The following ITGA7 variants were observed in gnomAD, a reference collection of about 807,000 sequenced individuals.
ITGA7 encodes the protein integrin subunit alpha 7, also known as integrin alpha-7.
In ITGA7, 84 loss-of-function variants were observed where a neutral mutation model predicts 131.6. The ratio of observed to expected loss-of-function variants is 0.64; its 90% CI spans 0.54 to 0.77. The LOEUF is 0.77. Among genes scored for constraint, ITGA7 ranks in the 30% least tolerant of loss-of-function variants. The pLI is 0.00. For missense variants in ITGA7, 1,399 were observed against 1,482.9 expected (o/e 0.94, Z 0.93); for synonymous variants, 548 against 600.7 (o/e 0.91, Z 1.28).
Position 55,699,925 on chromosome 12 carries a change from G to T in ITGA7, c.735C>A (p.Asp245Glu). 1 of 1,613,984 alleles carries T rather than the reference G, an allele frequency of 6.2e-7. No individual in the cohort carries two copies. Among genetic ancestry groups the T allele is most frequent in the South Asian group, 1.1e-5 (1 of 91,004 alleles). ...DPDQLVYKTL[D>E]PADRLPGPAG... Reference sequence around the variant, plus strand: ...CTGGTCCTGGGAGCCGGTCAGCAGGGTCCAAAGTTTTATACACCAGCTGGT... The same window carrying T: ...CTGGTCCTGGGAGCCGGTCAGCAGGTTCCAAAGTTTTATACACCAGCTGGT... The change falls in exon 5 of 25, where the codon GAC (aspartate) becomes GAA (glutamate). Residue 245 changes from aspartate to glutamate, a missense_variant. Asp to Glu is a conservative substitution (Grantham distance 45). Transcript: ENST00000257879.
chr12:55,698,223 C>T (rs1873090916), intron 7 of ITGA7, 160 bp downstream of exon 7: 2 of 873,030 alleles, frequency 2.3e-6, no homozygotes, highest in South Asian at 1.7e-5. Flanking sequence ...AGGTTAGGAA[C>T]TTGCCAAGGT....
chr12:55,715,870 A>G (rs915168995), upstream of ITGA7: 8 of 734,272 alleles, frequency 1.1e-5, no homozygotes, highest in Non-Finnish European at 1.4e-5. Context: ...AAATGTTAAA[A>G]ACTGGCTTGG....
At position 55,684,976 on chromosome 12, in the gene ITGA7, C is replaced by T; in HGVS notation, c.*82G>A. On this transcript the variant is annotated 3_prime_UTR_variant, in exon 25 of 25. Coordinates refer to ENST00000257879, the MANE Select transcript of ITGA7 (RefSeq NM_002206.3). ...CAAATCTTGATGCGACACCAGCAGC[C>T]CACTCTACCCTCTTCATCCCAAGGA... 1 of 1,181,046 alleles carries T rather than the reference C, an allele frequency of 8.5e-7. No homozygotes were observed. Among genetic ancestry groups the T allele is most frequent in the Non-Finnish European group, 1.2e-6 (1 of 853,982 alleles). The allele number at this position is 1,181,046 out of a possible 1,614,324, so 73.2% of individuals were successfully genotyped here. A position where few individuals can be genotyped will look rare whatever the true frequency, so the allele number is the denominator to read the frequency against.
chr12:55,688,748 C>A, intron 22 of ITGA7, 96 bp downstream of exon 22: 1 of 888,000 alleles, frequency 1.1e-6, no homozygotes. Flanking sequence ...GGGGGGGATG[C>A]TGCATTTGGA....
chr12:55,705,312 A>T (rs1256329425), intron 1 of ITGA7, among the ~76,000 whole-genome samples: 1 of 150,432 alleles, frequency 6.6e-6, no homozygotes, highest in African/African-American at 2.5e-5. Context: ...TTCATGCCAT[A>T]CGCCCTAACC....
At chr12:55,700,744 G>A (rs1297849852) in intron 4 of ITGA7, 155 bp downstream of exon 4, 1 of 952,750 alleles carries the variant, frequency 1.0e-6, no homozygotes, top group Non-Finnish European at 1.6e-6. Context: ...CCATTCATGT[G>A]TGCACTAGCT....
chr12:55,694,348 G>T lies in ITGA7; in HGVS notation c.2358-18C>A, dbSNP rs1487912364. 1.2e-6 allele frequency: 2 copies of T among 1,613,606 alleles called. No individual in the cohort carries two copies. On this transcript the variant is annotated intron_variant, in intron 17 of 24. Transcript: ENST00000257879. The surrounding 1 kb of genome is among the most constrained non-coding windows in gnomAD (Gnocchi z 5.3). ...CACTGATCCTGGTGAGTGGGCAGGG[G>T]CAAGTATGGGCATCAGGCACAGGCA...
intron 21 of ITGA7, 43 bp downstream of exon 21, chr12:55,692,801 G>A: frequency 4.5e-6 from 7 of 1,569,690 alleles, no homozygotes; most frequent in Non-Finnish European, 6.0e-6. Flanking sequence ...TGGACACGCA[G>A]CACCCCGGAG....
At position 55,688,100 on chromosome 12, in the gene ITGA7, G is replaced by A; in HGVS notation, c.3058-4C>T. 1.2e-6 allele frequency: 2 copies of A among 1,614,136 alleles called. No homozygotes were observed. Among genetic ancestry groups the A allele is most frequent in the South Asian group, 2.2e-5 (2 of 91,068 alleles). On this transcript the variant is annotated splice_polypyrimidine_tract_variant and splice_region_variant and intron_variant, in intron 23 of 24. Coordinates refer to ENST00000257879, the MANE Select transcript of ITGA7 (RefSeq NM_002206.3). ...CCAAGTATACCATCACTGGGATCTG[G>A]GGAGCAAGGGGTCAATGGAGCAAGA...
intron 24 of ITGA7, chr12:55,686,421 G>T: frequency 1.7e-6 from 1 of 605,114 alleles, no homozygotes; most frequent in Non-Finnish European, 2.6e-6. Context: ...GGAGCAGGGA[G>T]CAAGCATCCT....
At chr12:55,699,572 C>T in intron 5 of ITGA7, 1 of 466,556 alleles carries the variant, frequency 2.1e-6, no homozygotes, top group East Asian at 4.2e-5. Context: ...GAAAGTCCCC[C>T]TAGAAGACAG....
In ITGA7 at chr12:55,688,736, A is replaced by G. The variant is rs11306628; in HGVS notation, c.2958+108T>C. 0.13 allele frequency: 82,483 copies of G among 659,082 alleles called. 4,571 individuals are homozygous for G. Among genetic ancestry groups the G allele is most frequent in the Admixed American group, 0.17 (6,276 of 36,244 alleles). The allele number at this position is 659,082 out of a possible 1,614,324, so 40.8% of individuals were successfully genotyped here. ...AGACTCCGTCTCAAAAAAAAAAAAA[A>G]GGGGGGGGATGCTGCATTTGGACAG... is the stretch of plus-strand genomic sequence containing the variant. On this transcript the variant is annotated intron_variant, in intron 22 of 24. Coordinates refer to ENST00000257879, the MANE Select transcript of ITGA7 (RefSeq NM_002206.3).
intron 2 of ITGA7, 40 bp downstream of exon 2, chr12:55,703,011 G>T (rs748781514): frequency 6.2e-7 from 1 of 1,613,690 alleles, no homozygotes; most frequent in Admixed American, 1.7e-5. Flanking sequence ...TCTCCTCCCC[G>T]CTCACACGCT....
chr12:55,694,707 G>T lies in ITGA7; in HGVS notation c.2197-12C>A. ...CAGAGTGGCTTCTCCTGGAATGGGAGAGAAGGCAAGGTCAGTCTGGGTTAC... is the reference window on the plus strand; with the variant it reads ...CAGAGTGGCTTCTCCTGGAATGGGATAGAAGGCAAGGTCAGTCTGGGTTAC... On this transcript the variant is annotated splice_polypyrimidine_tract_variant and intron_variant, in intron 15 of 24. Coordinates refer to ENST00000257879, the MANE Select transcript of ITGA7 (RefSeq NM_002206.3). This position sits in a 1 kb window ranked among gnomAD's most constrained non-coding sequence, Gnocchi z 5.3. 6.2e-7 allele frequency: 1 copy of T among 1,614,114 alleles called. No homozygotes were observed. Among genetic ancestry groups the T allele is most frequent in the South Asian group, 1.1e-5 (1 of 91,080 alleles).
chr12:55,707,351 G>A, intron 1 of ITGA7, 126 bp downstream of exon 1: 1 of 761,340 alleles, frequency 1.3e-6, no homozygotes, highest in South Asian at 1.6e-5. Flanking sequence ...TTGGGATGTG[G>A]GATGTCTGTG....
rs1463278824 is a variant in ITGA7 at position 55,701,138 on chromosome 12, T to C, written c.431A>G (p.Tyr144Cys). The C allele has an allele frequency of 3.1e-6, 5 of 1,614,066 alleles. No individual in the cohort carries two copies. The Admixed American group carries it at 6.7e-5, about 22-fold the overall frequency. The change falls in exon 4 of 25, where the codon TAT becomes TGT. Residue 144 changes from tyrosine (Y) to cysteine (C), a missense_variant. Tyr to Cys is a radical substitution (Grantham distance 194). Coordinates refer to ENST00000257879, the MANE Select transcript of ITGA7 (RefSeq NM_002206.3). ...GGKIVTCAHRYEARQRVDQIL... is the reference protein window; with the variant it reads ...GGKIVTCAHRCEARQRVDQIL... ...CTGGTCCACTCGCTGCCTTGCCTCA[T>C]ATCGGTGTGCACAGGTCTGGGGGAG...
chr12:55,704,301 G>A (rs1027101821), intron 1 of ITGA7, among the ~76,000 whole-genome samples: 5 of 152,218 alleles, frequency 3.3e-5, no homozygotes, highest in African/African-American at 1.2e-4. Context: ...GGGGTGGAGG[G>A]GGAGGGCAGA....
At position 55,696,936 on chromosome 12, in the gene ITGA7, T is replaced by C. The variant is rs992516033; in HGVS notation, c.1700A>G (p.His567Arg). ...CATGGCGTCTCCACAGACTCGGTCA[T>C]GCTGGTGCTTCAGCCACACGGTGCC... ...ASGTVWLKHQ[H>R]DRVCGDAMFQ... The change falls in exon 12 of 25, where the codon CAT (histidine) becomes CGT (arginine). Residue 567 changes from histidine to arginine, a missense_variant. Physicochemically the swap from His to Arg is conservative, Grantham distance 29. Transcript: ENST00000257879. The C allele has an allele frequency of 6.2e-7, 1 of 1,614,104 alleles. No individual in the cohort carries two copies. The highest frequency in any genetic ancestry group is 2.2e-5 in the East Asian group (1 of 44,904).
At chr12:55,700,117 A>AACATT (rs1873642761) in intron 4 of ITGA7, 128 bp from the exon 5 acceptor site, 1 of 1,427,358 alleles carries the variant, frequency 7.0e-7, no homozygotes, top group Non-Finnish European at 9.7e-7. Context: ...AAAAGAGACC[A>AACATT]GAGAGATCAC....
Sources: allele counts gnomAD v4.1 joint callset (sites outside exome capture counted in the v4.1 genomes callset), GRCh38; gene constraint gnomAD v4.1.1; non-coding constraint Gnocchi (gnomAD v3.1); transcripts MANE v1.5; gene names NCBI Gene and HGNC (gene_info 2026-07-23, HGNC 2026-07-21).